The following GPC6 variants were observed in gnomAD, a reference collection of about 807,000 sequenced individuals.
GPC6 encodes the protein glypican 6.
GPC6 carries 14 observed loss-of-function variants against 55.2 expected under a neutral mutation model. The ratio of observed to expected loss-of-function variants is 0.25; its 90% CI spans 0.17 to 0.40. GPC6 has a LOEUF of 0.40. Ranked by LOEUF, GPC6 falls within the 10% of genes least tolerant of loss-of-function variation. The probability of loss-of-function intolerance (pLI) is 1.00; values close to 1 mark genes in which losing one functional copy is unlikely to be tolerated. For missense variants in GPC6, 641 were observed against 708.5 expected, an observed-to-expected ratio of 0.90 and a Z score of 1.08; for synonymous variants, 278 against 259.6, an observed-to-expected ratio of 1.07 and a Z score of -0.68.
At chr13:93,896,778 C>T (rs1167481647) in intron 3 of GPC6, among the ~76,000 whole-genome samples, 1 of 151,986 alleles carries the variant, frequency 6.6e-6, no homozygotes, top group Non-Finnish European at 1.5e-5. Context: ...GTGACTATCA[C>T]CTGGCTTAGC....
chr13:93,523,457 A>T (rs1881522611), intron 1 of GPC6, among the ~76,000 whole-genome samples: 1 of 32,232 alleles, frequency 3.1e-5, no homozygotes, highest in Non-Finnish European at 8.2e-5. Context: ...ACACACATAC[A>T]CACATATGAC....
At chr13:93,618,238 T>G (rs73543521) in intron 2 of GPC6, among the ~76,000 whole-genome samples, 6,145 of 152,192 alleles carry the variant, frequency 0.04, 435 homozygotes, top group African/African-American at 0.14. Flanking sequence ...TATGTATGTA[T>G]GTGTTTATGT....
At chr13:94,268,118 C>T (rs761661970) in intron 4 of GPC6, among the ~76,000 whole-genome samples, 1 of 152,154 alleles carries the variant, frequency 6.6e-6, no homozygotes, top group Non-Finnish European at 1.5e-5. Flanking sequence ...TGCCACCTTG[C>T]TAAGGTCTAA....
chr13:94,157,954 A>C (rs1402844367), intron 4 of GPC6, among the ~76,000 whole-genome samples: 2 of 152,178 alleles, frequency 1.3e-5, no homozygotes, highest in Non-Finnish European at 2.9e-5. Flanking sequence ...GAGGCTGGGA[A>C]GATGGAAATT....
At chr13:93,681,740 GCTGA>G (rs150944190) in intron 2 of GPC6, among the ~76,000 whole-genome samples, 1 of 152,226 alleles carries the variant, frequency 6.6e-6, no homozygotes, top group African/African-American at 2.4e-5. Flanking sequence ...CAGAATATGA[GCTGA>G]CTTATTGGAA....
chr13:93,582,514 T>C (rs1876985730), intron 2 of GPC6, among the ~76,000 whole-genome samples: 1 of 152,242 alleles, frequency 6.6e-6, no homozygotes, highest in Admixed American at 6.5e-5. Flanking sequence ...ATCTAGATTA[T>C]TAAAAGGCTA....
At chr13:94,340,901 A>C (rs1328062793) in intron 6 of GPC6, among the ~76,000 whole-genome samples, 2 of 152,224 alleles carry the variant, frequency 1.3e-5, no homozygotes, top group Non-Finnish European at 2.9e-5. Context: ...AATCATATTA[A>C]AAGTATTTAG....
chr13:93,592,402 AATATAAAT>A (rs1307656982), intron 2 of GPC6, among the ~76,000 whole-genome samples: 3 of 146,760 alleles, frequency 2.0e-5, no homozygotes, highest in Non-Finnish European at 4.5e-5. Flanking sequence ...TTAATATATA[AATATAAAT>A]ATATAAATAT....
intron 2 of GPC6, among the ~76,000 whole-genome samples, chr13:93,821,539 G>A (rs543458699): frequency 1.3e-5 from 2 of 152,244 alleles, no homozygotes; most frequent in East Asian, 1.9e-4. Flanking sequence ...AATGTACCTC[G>A]AGAAGTACAA....
intron 1 of GPC6, among the ~76,000 whole-genome samples, chr13:93,427,069 A>G (rs1877158721): frequency 6.7e-6 from 1 of 149,354 alleles, no homozygotes; most frequent in East Asian, 2.0e-4. Context: ...TCCTTCGCCC[A>G]CTTTTTGATG....
At chr13:93,666,426 A>C (rs914940647) in intron 2 of GPC6, among the ~76,000 whole-genome samples, 28 of 152,224 alleles carry the variant, frequency 1.8e-4, no homozygotes, top group Non-Finnish European at 4.0e-4. Context: ...GGCTGGAAAA[A>C]TTGCAGTCCT....
At chr13:93,602,999 T>C (rs1048115350) in intron 2 of GPC6, among the ~76,000 whole-genome samples, 2 of 143,596 alleles carry the variant, frequency 1.4e-5, no homozygotes, top group African/African-American at 2.6e-5. Flanking sequence ...TTTTCTTTTT[T>C]CTTTTTCTTT....
intron 3 of GPC6, among the ~76,000 whole-genome samples, chr13:93,877,278 T>C (rs1329414630): frequency 3.9e-5 from 6 of 152,044 alleles, no homozygotes; most frequent in African/African-American, 1.2e-4. Flanking sequence ...CATGATCTGA[T>C]GAATTCCTAT....
In GPC6 at chr13:93,475,777, G is replaced by A. The variant is rs1879280536; in HGVS notation, c.161-69486G>A. 2.0e-5 allele frequency among the ~76,000 whole-genome samples: 3 copies of A among 152,132 alleles called. No homozygotes were observed. The South Asian group carries it at 6.2e-4, about 31-fold the overall frequency. On this transcript the variant is annotated intron_variant, in intron 1 of 8. Transcript: ENST00000377047. The stretch of plus-strand genomic sequence containing the variant: ...TAGAAGTGCACTTCTTTCTGAAATA[G>A]CTTGTTACTTTTGGAGATCTAGATA...
intron 7 of GPC6, among the ~76,000 whole-genome samples, chr13:94,386,315 A>C (rs1880404741): frequency 1.3e-5 from 2 of 151,782 alleles, no homozygotes; most frequent in Non-Finnish European, 2.9e-5. Context: ...AGCAGAGATC[A>C]CACCACTGCA....
At chr13:93,250,550 TG>T (rs1335209128) in intron 1 of GPC6, among the ~76,000 whole-genome samples, 1 of 152,158 alleles carries the variant, frequency 6.6e-6, no homozygotes, top group Non-Finnish European at 1.5e-5. Flanking sequence ...TCACTTGGCA[TG>T]GGGGGACCAT....
chr13:94,144,460 C>A (rs905793359), intron 4 of GPC6, among the ~76,000 whole-genome samples: 1 of 149,324 alleles, frequency 6.7e-6, no homozygotes, highest in Non-Finnish European at 1.5e-5. Context: ...ATGGAACACC[C>A]ATTTTTCAAG....
intron 1 of GPC6, among the ~76,000 whole-genome samples, chr13:93,465,488 G>A (rs761378421): frequency 2.7e-4 from 41 of 152,146 alleles, no homozygotes; most frequent in Non-Finnish European, 5.1e-4. Context: ...AAGCGTCTTT[G>A]CTTCAACCAT....
At chr13:94,186,180 A>G (rs1477746482) in intron 4 of GPC6, among the ~76,000 whole-genome samples, 1 of 152,134 alleles carries the variant, frequency 6.6e-6, no homozygotes, top group East Asian at 1.9e-4. Context: ...CACAAATATA[A>G]ATAGAGAAAC....
Sources: allele counts gnomAD v4.1 joint callset (sites outside exome capture counted in the v4.1 genomes callset), GRCh38; gene constraint gnomAD v4.1.1; transcripts MANE v1.5; gene names NCBI Gene and HGNC (gene_info 2026-07-23, HGNC 2026-07-21).